Variants in AOAH observed in about 807,000 individuals in gnomAD.
AOAH encodes the protein acyloxyacyl hydrolase.
AOAH carries 64 observed loss-of-function variants against 92.2 expected under a neutral mutation model. The observed-to-expected ratio is 0.69, with a 90% CI of 0.57 to 0.86. AOAH has a LOEUF of 0.86. AOAH is among the 40% of genes least tolerant of loss of function. AOAH has a pLI of 0.00. For synonymous variants in AOAH, 263 were observed against 254.5 expected (o/e 1.03, Z -0.32); for missense variants, 656 against 694.6 (o/e 0.94, Z 0.62).
chr7:36,560,709 T>A (rs1787199543), intron 13 of AOAH, among the ~76,000 whole-genome samples: 2 of 152,212 alleles, frequency 1.3e-5, no homozygotes, highest in African/African-American at 4.8e-5. Context: ...CTTTTCTTAT[T>A]TGGATGCTTT....
chr7:36,675,244 G>A (rs1796176734), intron 2 of AOAH, among the ~76,000 whole-genome samples: 1 of 152,186 alleles, frequency 6.6e-6, no homozygotes. Context: ...CAACAAGAGT[G>A]AAACTCCGTC....
intron 1 of AOAH, among the ~76,000 whole-genome samples, chr7:36,694,297 G>A (rs551859023): frequency 3.0e-4 from 46 of 152,112 alleles, no homozygotes; most frequent in Non-Finnish European, 6.2e-4. Context: ...AGGAGTCTGA[G>A]ACCAGCCTGC....
chr7:36,575,355 G>T (rs978529368), intron 13 of AOAH, among the ~76,000 whole-genome samples: 1 of 152,322 alleles, frequency 6.6e-6, no homozygotes, highest in East Asian at 1.9e-4. Context: ...GAGGAAGAGA[G>T]TCTTGGTTTC....
rs1417496946 is a variant in AOAH, at chr7:36,608,555, A to G, written c.846+7825T>C. Among the ~76,000 whole-genome samples, 3 of 152,366 alleles carry G rather than the reference A, an allele frequency of 2.0e-5. No homozygotes were observed. In the East Asian group the frequency reaches 5.8e-4, roughly 29 times the overall value. On this transcript the variant is annotated intron_variant, in intron 11 of 20. Transcript: ENST00000617537. Reference sequence around the variant, plus strand: ...ATTCCCGATTTCTGACAAGGTAGCCATCATTATTTATACTTTTTAGATGAG... The same window carrying G: ...ATTCCCGATTTCTGACAAGGTAGCCGTCATTATTTATACTTTTTAGATGAG...
At chr7:36,637,258 A>G (rs1012666715) in intron 5 of AOAH, among the ~76,000 whole-genome samples, 1 of 152,200 alleles carries the variant, frequency 6.6e-6, no homozygotes, top group African/African-American at 2.4e-5. Flanking sequence ...CCTAGCCAAG[A>G]TCCCAGATGC....
chr7:36,612,174 GAA>G (rs35368108), intron 11 of AOAH, among the ~76,000 whole-genome samples: 1 of 151,412 alleles, frequency 6.6e-6, no homozygotes, highest in African/African-American at 2.4e-5. Context: ...AGAAAAGTGA[GAA>G]AAAAAAAGTT....
intron 13 of AOAH, among the ~76,000 whole-genome samples, chr7:36,562,634 C>T (rs1431159005): frequency 6.6e-6 from 1 of 152,166 alleles, no homozygotes; most frequent in South Asian, 2.1e-4. Context: ...TTCACATAAT[C>T]CCAGCATTGG....
chr7:36,700,223 T>C (rs1038899057), intron 1 of AOAH, among the ~76,000 whole-genome samples: 1 of 152,124 alleles, frequency 6.6e-6, no homozygotes, highest in Non-Finnish European at 1.5e-5. Context: ...TGCAGTTTTA[T>C]TACATGGATA....
chr7:36,613,516 T>C (rs1791630919), intron 11 of AOAH, among the ~76,000 whole-genome samples: 1 of 152,216 alleles, frequency 6.6e-6, no homozygotes, highest in Admixed American at 6.5e-5. Flanking sequence ...CTCTGCCTGA[T>C]GTCTTTTCTT....
rs745414004 is a variant in AOAH at position 36,530,476 on chromosome 7, T to C, written c.1464A>G (p.Ala488=). ...EQLSNTLKKI[A]ASEKFTNFNL... ...TGAAGTTTGTAAATTTCTCACTGGC[T>C]GCAATTTTTTTCAGTGTGTTGGAGA... Residue 488 remains alanine, a synonymous_variant, in exon 19 of 21, where the codon GCA becomes GCG. Coordinates refer to ENST00000617537, the MANE Select transcript of AOAH (RefSeq NM_001637.4). 27 of 1,613,846 alleles carry C rather than the reference T, an allele frequency of 1.7e-5. No homozygotes were observed. The Middle Eastern group carries it at 1.2e-3, about 69-fold the overall frequency.
At chr7:36,652,844 A>C (rs1794666550) in intron 4 of AOAH, among the ~76,000 whole-genome samples, 1 of 152,254 alleles carries the variant, frequency 6.6e-6, no homozygotes, top group African/African-American at 2.4e-5. Flanking sequence ...ACCAGAGGAC[A>C]CTAAAGAGAC....
chr7:36,656,986 A>G (rs546661881), intron 4 of AOAH, among the ~76,000 whole-genome samples: 1 of 152,098 alleles, frequency 6.6e-6, no homozygotes, highest in East Asian at 1.9e-4. Flanking sequence ...TGATTTGCAG[A>G]ATGATAAAAA....
chr7:36,700,805 T>C (rs1370870004), intron 1 of AOAH, among the ~76,000 whole-genome samples: 1 of 152,112 alleles, frequency 6.6e-6, no homozygotes, highest in Non-Finnish European at 1.5e-5. Flanking sequence ...CCACCAACAG[T>C]GTATAAGCCT....
At chr7:36,612,774 C>T (rs975141344) in intron 11 of AOAH, among the ~76,000 whole-genome samples, 6 of 152,222 alleles carry the variant, frequency 3.9e-5, no homozygotes, top group Middle Eastern at 3.4e-3. Flanking sequence ...TGTTTGACAA[C>T]GATAAATGAA....
At chr7:36,653,615 T>C (rs1254606348) in intron 4 of AOAH, among the ~76,000 whole-genome samples, 1 of 152,204 alleles carries the variant, frequency 6.6e-6, no homozygotes, top group Non-Finnish European at 1.5e-5. Context: ...TGTTTCAAAG[T>C]CTGGGTTGCT....
intron 1 of AOAH, among the ~76,000 whole-genome samples, chr7:36,704,016 G>A (rs975898050): frequency 1.3e-5 from 2 of 152,052 alleles, no homozygotes; most frequent in Non-Finnish European, 2.9e-5. Flanking sequence ...CTGGATGCAA[G>A]TTACCATGTG....
At position 36,540,303 on chromosome 7, in the gene AOAH, A is replaced by G. The variant is rs576928103; in HGVS notation, c.1306+16T>C. 1.3e-6 allele frequency: 2 copies of G among 1,598,376 alleles called. No individual in the cohort carries two copies. The highest frequency in any genetic ancestry group is 2.2e-5 in the South Asian group (2 of 89,044). ...ATTGATGTTATTAAAGAGTAAAAGA[A>G]TCTTCAAACTGATACCGAGAGGATG... is the stretch of plus-strand genomic sequence containing the variant. On this transcript the variant is annotated intron_variant, in intron 16 of 20. Transcript: ENST00000617537.
chr7:36,723,603 T>A (rs1215624852), intron 1 of AOAH, among the ~76,000 whole-genome samples: 2 of 152,146 alleles, frequency 1.3e-5, no homozygotes, highest in Non-Finnish European at 2.9e-5. Context: ...GAGGGTTAAG[T>A]ACATTGCTCC....
intron 4 of AOAH, among the ~76,000 whole-genome samples, chr7:36,648,643 T>A (rs1447531201): frequency 2.0e-5 from 3 of 151,560 alleles, no homozygotes; most frequent in Admixed American, 6.6e-5. Context: ...TTTTTTTTTT[T>A]AAGTGATTCA....
Sources: allele counts gnomAD v4.1 joint callset (sites outside exome capture counted in the v4.1 genomes callset), GRCh38; gene constraint gnomAD v4.1.1; transcripts MANE v1.5; gene names NCBI Gene and HGNC (gene_info 2026-07-23, HGNC 2026-07-21).